Variants in SPTBN1 observed in about 807,000 individuals in gnomAD.
The protein encoded by SPTBN1 is spectrin beta chain, non-erythrocytic 1.
A neutral mutation model predicts 266.4 loss-of-function variants in SPTBN1; 32 were observed. The ratio of observed to expected loss-of-function variants is 0.12; its 90% confidence interval spans 0.09 to 0.16. SPTBN1 has a LOEUF of 0.16. Among genes scored for constraint, SPTBN1 ranks in the 10% least tolerant of loss-of-function variants. The pLI, the probability that SPTBN1 is intolerant of heterozygous loss-of-function variation, is 1.00. For synonymous variants in SPTBN1, 1,336 were observed against 1,162.2 expected (o/e 1.15, Z -3.04); for missense variants, 2,296 against 3,067.1 (o/e 0.75, Z 5.94).
At chr2:54,552,951 G>A (rs1465698536) in intron 2 of SPTBN1, among the ~76,000 whole-genome samples, 1 of 152,362 alleles carries the variant, frequency 6.6e-6, no homozygotes, top group South Asian at 2.1e-4. Context: ...TGAGTGGGAG[G>A]TGCCACTGGG....
rs539451307 is a variant in SPTBN1, at chr2:54,583,156, C to T, written c.149-15936C>T. ...TCCTGCCGCTGCTTGGTGATGTCCCCTGGACTCAGTTGTCAGCTCTGAAGC... is the reference window on the plus strand; with the variant it reads ...TCCTGCCGCTGCTTGGTGATGTCCCTTGGACTCAGTTGTCAGCTCTGAAGC... On this transcript the variant is annotated intron_variant, in intron 2 of 35. Transcript: ENST00000356805. Among the ~76,000 whole-genome samples the T allele has an allele frequency of 2.0e-5, 3 of 152,106 alleles. No homozygotes were observed. In the South Asian group the frequency reaches 6.2e-4, roughly 32 times the overall value.
intron 1 of SPTBN1, among the ~76,000 whole-genome samples, chr2:54,499,422 G>A (rs952099703): frequency 6.6e-6 from 1 of 152,128 alleles, no homozygotes; most frequent in African/African-American, 2.4e-5. Context: ...AAAGTGAGAG[G>A]CTTTTGAACC....
chr2:54,655,459 A>G (rs184235943), intron 28 of SPTBN1, among the ~76,000 whole-genome samples: 3 of 151,934 alleles, frequency 2.0e-5, no homozygotes, highest in African/African-American at 7.2e-5. Flanking sequence ...CCCAATCAGT[A>G]CTCTTTCTAG....
Position 54,617,614 on chromosome 2 carries a change from C to T in SPTBN1, c.573C>T (p.Pro191=). 6.2e-7 allele frequency: 1 copy of T among 1,614,110 alleles called. No homozygotes were observed. Among genetic ancestry groups the T allele is most frequent in the Middle Eastern group, 1.7e-4 (1 of 6,060 alleles). The change falls in exon 6 of 36, where the codon CCC becomes CCT. Residue 191 remains proline (P), a synonymous_variant. Transcript: ENST00000356805. ...LWCQMKTAGY[P]NVNIHNFTTS... is the part of the protein sequence containing the mutation. ...TCTGCTTTGTCCTTGGCAGGTACCC[C>T]AATGTCAACATTCACAATTTCACCA...
intron 28 of SPTBN1, among the ~76,000 whole-genome samples, chr2:54,655,439 C>CG (rs1328444193): frequency 6.6e-6 from 1 of 152,188 alleles, no homozygotes; most frequent in Admixed American, 6.5e-5. Flanking sequence ...AAAATGGACT[C>CG]CGCATCCTCC....
At chr2:54,662,039 C>G (rs1006990504) in intron 32 of SPTBN1, 2 of 985,238 alleles carry the variant, frequency 2.0e-6, no homozygotes, top group African/African-American at 3.5e-5. Flanking sequence ...CTTTGAATAC[C>G]AATCAGGTGT....
intron 2 of SPTBN1, among the ~76,000 whole-genome samples, chr2:54,571,033 C>G (rs374623931): frequency 2.0e-5 from 3 of 152,074 alleles, no homozygotes; most frequent in Non-Finnish European, 2.9e-5. Flanking sequence ...CTGTACAATT[C>G]AGTCTTGCAA....
At chr2:54,463,879 C>T (rs932646897) in intron 1 of SPTBN1, among the ~76,000 whole-genome samples, 4 of 151,996 alleles carry the variant, frequency 2.6e-5, no homozygotes, top group Admixed American at 1.3e-4. Context: ...ATTTTTTAAA[C>T]AAACAATAAA....
chr2:54,519,181 A>C (rs1670281764), intron 1 of SPTBN1, among the ~76,000 whole-genome samples: 1 of 152,160 alleles, frequency 6.6e-6, no homozygotes, highest in African/African-American at 2.4e-5. Context: ...CCACCTGTCC[A>C]GGCAGCCCAT....
chr2:54,650,838 A>C (rs564588519), intron 26 of SPTBN1, among the ~76,000 whole-genome samples: 2 of 152,356 alleles, frequency 1.3e-5, no homozygotes, highest in South Asian at 4.1e-4. Flanking sequence ...ATTTACAGAA[A>C]CAGGCCACCC....
chr2:54,587,694 C>G (rs1675382229), intron 2 of SPTBN1, among the ~76,000 whole-genome samples: 1 of 152,166 alleles, frequency 6.6e-6, no homozygotes, highest in South Asian at 2.1e-4. Context: ...AGGCCTCAAG[C>G]TGTTCCACCC....
chr2:54,622,367 T>C lies in SPTBN1; in HGVS notation c.944T>C (p.Leu315Pro), dbSNP rs1245342105. The change falls in exon 9 of 36, where the codon CTG becomes CCG. Residue 315 changes from leucine (L) to proline (P), a missense_variant. Around this residue, in one of 12 missense-constraint regions of SPTBN1, gnomAD observed 148 missense variants for 203.8 expected, o/e 0.73. Transcript: ENST00000356805. Reference sequence around the variant, plus strand: ...TATGAATCACTTGCCTCTGACCTTCTGGAATGGATTGAACAAACCATCATC... The same window carrying C: ...TATGAATCACTTGCCTCTGACCTTCCGGAATGGATTGAACAAACCATCATC... ...EKYESLASDL[L>P]EWIEQTIIIL... 1 of 1,614,258 alleles carries C rather than the reference T, an allele frequency of 6.2e-7. No individual in the cohort carries two copies. The highest frequency in any genetic ancestry group is 2.2e-5 in the East Asian group (1 of 44,890).
rs1325172379 is a variant in SPTBN1 at position 54,671,148 on chromosome 2, A to T, written c.*2579A>T. The stretch of plus-strand genomic sequence containing the variant: ...GATATGAAATGGCGTTGTCACTTGA[A>T]TCAAGGCCACTTTTTGTCCTACTTG... On this transcript the variant is annotated 3_prime_UTR_variant, in exon 36 of 36. Coordinates refer to ENST00000356805, the MANE Select transcript of SPTBN1 (RefSeq NM_003128.3). The T allele has an allele frequency of 5.0e-6, 1 of 201,362 alleles. No homozygotes were observed. The highest frequency in any genetic ancestry group is 1.1e-4 in the East Asian group (1 of 9,362). The allele number at this position is 201,362 out of a possible 1,614,324, so 12.5% of individuals were successfully genotyped here.
At chr2:54,624,613 A>G (rs543647323) in intron 10 of SPTBN1, among the ~76,000 whole-genome samples, 191 bp from the exon 11 acceptor site, 2 of 152,182 alleles carry the variant, frequency 1.3e-5, no homozygotes. Context: ...GAGTGTTCCC[A>G]TGAGGATACA....
At chr2:54,588,085 G>C (rs1306314355) in intron 2 of SPTBN1, among the ~76,000 whole-genome samples, 2 of 152,190 alleles carry the variant, frequency 1.3e-5, no homozygotes, top group Non-Finnish European at 2.9e-5. Context: ...ATATTGAAAT[G>C]TTTTAAACCA....
chr2:54,505,672 G>C (rs1669515217), intron 1 of SPTBN1, among the ~76,000 whole-genome samples: 3 of 152,094 alleles, frequency 2.0e-5, no homozygotes, highest in African/African-American at 7.2e-5. Flanking sequence ...GCCCCTTCTG[G>C]ACACTCTTGG....
At chr2:54,577,555 C>T (rs563774552) in intron 2 of SPTBN1, among the ~76,000 whole-genome samples, 5 of 152,138 alleles carry the variant, frequency 3.3e-5, no homozygotes, top group South Asian at 4.1e-4. Flanking sequence ...TGGTAATAGC[C>T]ACCAAAACTT....
intron 1 of SPTBN1, among the ~76,000 whole-genome samples, chr2:54,459,620 T>A (rs556526083): frequency 2.4e-4 from 37 of 152,334 alleles, no homozygotes; most frequent in African/African-American, 7.7e-4. Context: ...TTACGTGCAA[T>A]GACATGATGC....
intron 2 of SPTBN1, among the ~76,000 whole-genome samples, chr2:54,557,389 A>T (rs2104453657): frequency 6.8e-6 from 1 of 146,144 alleles, no homozygotes; most frequent in African/African-American, 2.5e-5. Context: ...GGTAGTGAGG[A>T]AAAAGGGGGG....
Sources: gnomAD v4.1 joint callset for allele counts (sites outside exome capture counted in the v4.1 genomes callset) on GRCh38, gnomAD v4.1.1 for gene constraint, gnomAD v4.1.1 regional missense constraint, MANE v1.5 for transcripts, NCBI Gene and HGNC (gene_info 2026-07-23, HGNC 2026-07-21) for gene names.